LPP: variants seen among roughly 807,000 people sequenced by gnomAD.
LPP encodes LIM domain containing preferred translocation partner in lipoma, also known as lipoma-preferred partner.
A neutral mutation model predicts 60.4 loss-of-function variants in LPP; 38 were observed. The observed-to-expected ratio is 0.63, with a 90% CI of 0.49 to 0.83. The LOEUF (loss-of-function observed/expected upper bound fraction) is 0.83, where lower values mean the gene tolerates loss of function less well. Among genes scored for constraint, LPP ranks in the 40% least tolerant of loss-of-function variants. The pLI is 0.00. For synonymous variants in LPP, 328 were observed against 290.8 expected, an observed-to-expected ratio of 1.13 and a Z score of -1.30; for missense variants, 902 against 783.6, an observed-to-expected ratio of 1.15 and a Z score of -1.80.
chr3:188,775,019 C>T (rs1483513825), intron 9 of LPP, among the ~76,000 whole-genome samples: 2 of 151,128 alleles, frequency 1.3e-5, no homozygotes, highest in East Asian at 1.9e-4. Context: ...TCAGAATATC[C>T]TATGCTTCTA....
chr3:188,671,928 G>C (rs1857030152), intron 7 of LPP, among the ~76,000 whole-genome samples: 1 of 152,086 alleles, frequency 6.6e-6, no homozygotes, highest in Admixed American at 6.5e-5. Flanking sequence ...TGCATTTGTG[G>C]AGCATCTAAT....
At chr3:188,731,516 T>TGTTTTGTTTTGTTTTGTTTTGTTTTG (rs113613140) in intron 8 of LPP, among the ~76,000 whole-genome samples, 1 of 145,818 alleles carries the variant, frequency 6.9e-6, no homozygotes, top group Non-Finnish European at 1.5e-5. Flanking sequence ...TTTTTTGTTT[T>TGTTTTGTTTTGTTTTGTTTTGTTTTG]TTTTGTTTTG....
intron 7 of LPP, among the ~76,000 whole-genome samples, chr3:188,681,148 C>G (rs1859412795): frequency 6.6e-6 from 1 of 152,146 alleles, no homozygotes; most frequent in Admixed American, 6.5e-5. Context: ...AGGTGCACAC[C>G]ACCATGCCCA....
rs376900856 is a variant in LPP at position 188,496,381 on chromosome 3, C to T, written c.306+11677C>T. ...TGACCTCGTGATCTGCCCACCTCAG[C>T]CTCCCAAAGTGCTGGGATTACAGGC... On this transcript the variant is annotated intron_variant, in intron 5 of 11. Coordinates refer to ENST00000617246, the MANE Select transcript of LPP (RefSeq NM_001375462.1). 7.0e-4 allele frequency among the ~76,000 whole-genome samples: 106 copies of T among 152,284 alleles called. 4 individuals carry two copies. In the South Asian group the frequency reaches 0.021, roughly 30 times the overall value.
At chr3:188,741,246 G>T (rs758433082) in intron 8 of LPP, among the ~76,000 whole-genome samples, 2 of 151,242 alleles carry the variant, frequency 1.3e-5, no homozygotes, top group African/African-American at 2.4e-5. Flanking sequence ...TTTGAATTGG[G>T]GGGGGAAGGG....
chr3:188,551,370 A>T (rs968009590), intron 6 of LPP, among the ~76,000 whole-genome samples: 1 of 152,182 alleles, frequency 6.6e-6, no homozygotes, highest in Non-Finnish European at 1.5e-5. Flanking sequence ...CTCCCTCAAC[A>T]TGTGGGAATT....
chr3:188,373,028 G>C (rs1258840796), intron 3 of LPP, among the ~76,000 whole-genome samples: 1 of 62,884 alleles, frequency 1.6e-5, no homozygotes, highest in Non-Finnish European at 4.2e-5. Flanking sequence ...CCCTACAAAG[G>C]ACATGAACTC....
chr3:188,192,385 C>A (rs1172017789), intron 1 of LPP, among the ~76,000 whole-genome samples: 1 of 152,154 alleles, frequency 6.6e-6, no homozygotes, highest in East Asian at 1.9e-4. Context: ...TAATTGTGAG[C>A]ACAGTCGTCC....
At chr3:188,549,013 A>T (rs907904337) in intron 6 of LPP, among the ~76,000 whole-genome samples, 2 of 152,212 alleles carry the variant, frequency 1.3e-5, no homozygotes, top group African/African-American at 4.8e-5. Flanking sequence ...TAGAAGGCAG[A>T]TAGTTAATGT....
At chr3:188,636,526 A>T (rs1000268156) in intron 7 of LPP, among the ~76,000 whole-genome samples, 1 of 152,178 alleles carries the variant, frequency 6.6e-6, no homozygotes, top group Non-Finnish European at 1.5e-5. Context: ...CAAAGCAGCC[A>T]GGAAGCTCGA....
intron 2 of LPP, among the ~76,000 whole-genome samples, chr3:188,324,347 C>G (rs1161574200): frequency 6.6e-6 from 1 of 152,182 alleles, no homozygotes; most frequent in Non-Finnish European, 1.5e-5. Context: ...GTCCAACGTT[C>G]ATCACCTCCT....
At chr3:188,177,775 C>T (rs1278919188) in intron 1 of LPP, among the ~76,000 whole-genome samples, 2 of 152,112 alleles carry the variant, frequency 1.3e-5, no homozygotes, top group African/African-American at 4.8e-5. Context: ...GTTTTTATTA[C>T]AGGGAAACAC....
At chr3:188,401,735 C>T (rs948576166) in intron 3 of LPP, among the ~76,000 whole-genome samples, 6 of 152,140 alleles carry the variant, frequency 3.9e-5, no homozygotes, top group African/African-American at 1.4e-4. Context: ...TTTCCACTCT[C>T]AAGGATTTGC....
At chr3:188,247,285 AT>A in intron 2 of LPP, 1 of 458,032 alleles carries the variant, frequency 2.2e-6, no homozygotes, top group Non-Finnish European at 2.9e-6. Flanking sequence ...CGCTGAGGCT[AT>A]TTTTAGAGCC....
At chr3:188,542,505 CT>C (rs938524871) in intron 6 of LPP, among the ~76,000 whole-genome samples, 14 of 152,180 alleles carry the variant, frequency 9.2e-5, no homozygotes, top group African/African-American at 3.4e-4. Flanking sequence ...ATTATTTTTT[CT>C]TTTCTAGTCT....
chr3:188,509,999 G>A (rs1814968765), intron 5 of LPP, among the ~76,000 whole-genome samples: 3 of 151,086 alleles, frequency 2.0e-5, no homozygotes, highest in African/African-American at 4.9e-5. Flanking sequence ...TTAGAGGCGT[G>A]AGCCACTGCA....
intron 2 of LPP, among the ~76,000 whole-genome samples, chr3:188,329,910 C>T (rs1279344117): frequency 6.6e-6 from 1 of 152,182 alleles, no homozygotes. Context: ...TTAAAAGTCA[C>T]AGGAAAGAAA....
chr3:188,796,809 C>A (rs756706477), intron 9 of LPP, among the ~76,000 whole-genome samples: 1 of 152,188 alleles, frequency 6.6e-6, no homozygotes, highest in Non-Finnish European at 1.5e-5. Context: ...AGAAATAGAT[C>A]TAGATCACAG....
At chr3:188,668,515 A>G (rs963453097) in intron 7 of LPP, among the ~76,000 whole-genome samples, 4 of 152,202 alleles carry the variant, frequency 2.6e-5, no homozygotes, top group African/African-American at 9.7e-5. Flanking sequence ...TAGTGCCAAA[A>G]AACTCTAATT....
Sources: gnomAD v4.1 joint callset for allele counts (sites outside exome capture counted in the v4.1 genomes callset) on GRCh38, gnomAD v4.1.1 for gene constraint, MANE v1.5 for transcripts, NCBI Gene and HGNC (gene_info 2026-07-23, HGNC 2026-07-21) for gene names.